Variants in BICD1 observed in about 807,000 individuals in gnomAD.
The protein encoded by BICD1 is BICD cargo adaptor 1, also known as protein bicaudal D homolog 1.
A neutral mutation model predicts 92.5 loss-of-function variants in BICD1; 35 were observed. The observed-to-expected ratio is 0.38, with a 90% confidence interval of 0.29 to 0.50. The LOEUF is 0.50. BICD1 is among the 20% of genes least tolerant of loss of function. The pLI is 0.93. For synonymous variants in BICD1, 429 were observed against 465.1 expected (o/e 0.92, Z 1.00); for missense variants, 950 against 1,189.8 (o/e 0.80, Z 2.97).
At chr12:32,285,304 A>G (rs780632707) in intron 2 of BICD1, among the ~76,000 whole-genome samples, 4 of 152,124 alleles carry the variant, frequency 2.6e-5, no homozygotes, top group African/African-American at 4.8e-5. Flanking sequence ...TCATTTTACC[A>G]TGTTATATCA....
intron 4 of BICD1, among the ~76,000 whole-genome samples, chr12:32,327,086 G>C (rs934788723): frequency 1.3e-5 from 2 of 152,136 alleles, no homozygotes; most frequent in East Asian, 3.8e-4. Flanking sequence ...CTGAAAAGCA[G>C]ATGTACTCTA....
chr12:32,305,685 T>C lies in BICD1; in HGVS notation c.580-12T>C, dbSNP rs778980120. 8.8e-6 allele frequency: 14 copies of C among 1,590,502 alleles called. 1 individual carries two copies. Among genetic ancestry groups the C allele is most frequent in the African/African-American group, 2.7e-5 (2 of 73,788 alleles). The stretch of plus-strand genomic sequence containing the variant: ...TTAGTTTTATGAATCTTCTTTATCC[T>C]GTCTGATTCAGGTTGAATACGAAGG... On this transcript the variant is annotated splice_polypyrimidine_tract_variant and intron_variant, in intron 3 of 9. Transcript: ENST00000652176.
chr12:32,182,278 CTTTTTTTTTTTT>C (rs759328721), intron 1 of BICD1, among the ~76,000 whole-genome samples: 1 of 81,422 alleles, frequency 1.2e-5, no homozygotes, highest in South Asian at 4.6e-4. Context: ...TTCTTTCTTT[CTTTTTTTTTTTT>C]TTTTTTTTTT....
intron 8 of BICD1, chr12:32,352,941 C>T (rs1212711350): frequency 6.6e-6 from 1 of 152,194 alleles, no homozygotes; most frequent in East Asian, 1.9e-4. Context: ...TCTGGCCAAG[C>T]TTCACCTCTA....
chr12:32,241,448 C>T (rs117494201), intron 2 of BICD1, among the ~76,000 whole-genome samples: 1,541 of 152,306 alleles, frequency 0.01, 17 homozygotes, highest in Middle Eastern at 0.034. Context: ...TGCTGGATAT[C>T]CTCCAAGTAC....
chr12:32,259,924 CT>C (rs56372956), intron 2 of BICD1, among the ~76,000 whole-genome samples: 10,969 of 140,842 alleles, frequency 0.078, 485 homozygotes, highest in East Asian at 0.23. Flanking sequence ...ACACTACACA[CT>C]TTTTTTTTTT....
chr12:32,184,560 C>T (rs1484660817), intron 1 of BICD1, among the ~76,000 whole-genome samples: 1 of 152,204 alleles, frequency 6.6e-6, no homozygotes, highest in Non-Finnish European at 1.5e-5. Context: ...GCTGGGATTA[C>T]AGGTGTGAGC....
chr12:32,135,043 C>CTCTCCCT (rs1565538815), intron 1 of BICD1, among the ~76,000 whole-genome samples: 1 of 146,598 alleles, frequency 6.8e-6, no homozygotes, highest in East Asian at 2.1e-4. Flanking sequence ...CTCCTCTCCC[C>CTCTCCCT]CTCCTCCCCT....
intron 1 of BICD1, among the ~76,000 whole-genome samples, chr12:32,204,346 CA>C (rs35842294): frequency 0.037 from 4,890 of 132,018 alleles, 88 homozygotes; most frequent in Non-Finnish European, 0.044. Context: ...GAGACCCTGT[CA>C]AAAAAAAAAA....
At chr12:32,139,996 G>A (rs61747565) in intron 1 of BICD1, among the ~76,000 whole-genome samples, 14,006 of 152,268 alleles carry the variant, frequency 0.092, 891 homozygotes, top group Middle Eastern at 0.21. Context: ...ACGGATCTCA[G>A]CAGCTCTCTG....
chr12:32,323,438 A>G (rs766724886), intron 4 of BICD1, among the ~76,000 whole-genome samples: 11 of 152,216 alleles, frequency 7.2e-5, no homozygotes. Context: ...ATGAGGCGTT[A>G]CTGTGCTCCT....
At chr12:32,188,853 G>A (rs1944489547) in intron 1 of BICD1, among the ~76,000 whole-genome samples, 1 of 151,802 alleles carries the variant, frequency 6.6e-6, no homozygotes, top group East Asian at 1.9e-4. Flanking sequence ...TCAGCCTCCC[G>A]AGTAGCTGGG....
chr12:32,184,888 A>G (rs1592436636), intron 1 of BICD1, among the ~76,000 whole-genome samples: 2 of 152,216 alleles, frequency 1.3e-5, no homozygotes, highest in South Asian at 4.1e-4. Context: ...TACAGAACCA[A>G]TTTTGTGGTT....
rs757251576 is a variant in BICD1 at position 32,328,100 on chromosome 12, C to T, written c.1645C>T (p.Leu549=). 1.2e-6 allele frequency: 2 copies of T among 1,614,142 alleles called. No homozygotes were observed. Among genetic ancestry groups the T allele is most frequent in the Non-Finnish European group, 1.7e-6 (2 of 1,180,028 alleles). ...RQSRVTRSGS[L]KGPDDPRGLL... ...GAGCAGAGTCACCCGCAGTGGCAGC[C>T]TGAAAGGGCCCGATGATCCCAGAGG... is the stretch of plus-strand genomic sequence containing the variant. Residue 549 remains leucine, a synonymous_variant, in exon 5 of 10, where the codon CTG becomes TTG. Transcript: ENST00000652176. This position sits in a 1 kb window ranked among gnomAD's most constrained non-coding sequence, Gnocchi z 4.4.
chr12:32,147,855 T>C (rs1198571456), intron 1 of BICD1, among the ~76,000 whole-genome samples: 1 of 152,136 alleles, frequency 6.6e-6, no homozygotes, highest in Non-Finnish European at 1.5e-5. Flanking sequence ...TCTACTGCAG[T>C]AGGCCAAGTG....
chr12:32,372,457 G>C (rs1236256503), intron 9 of BICD1, among the ~76,000 whole-genome samples: 2 of 152,052 alleles, frequency 1.3e-5, no homozygotes, highest in African/African-American at 2.4e-5. Context: ...CTCCAGCTTG[G>C]GCAACAGAGT....
chr12:32,133,442 C>T (rs544646768), intron 1 of BICD1, among the ~76,000 whole-genome samples: 85 of 151,572 alleles, frequency 5.6e-4, no homozygotes, highest in African/African-American at 1.9e-3. Flanking sequence ...GAGCCAAGAT[C>T]GTGCCACTGC....
chr12:32,295,889 G>A (rs1394273275), intron 3 of BICD1, among the ~76,000 whole-genome samples: 2 of 152,126 alleles, frequency 1.3e-5, no homozygotes, highest in African/African-American at 4.8e-5. Context: ...CTGAGCTCAA[G>A]TGATCCGTCC....
intron 2 of BICD1, among the ~76,000 whole-genome samples, chr12:32,253,877 GTATCCCACCTGTCATAATCACTGCCA>G (rs879755316): frequency 0.067 from 7,840 of 116,480 alleles, 300 homozygotes; most frequent in Non-Finnish European, 0.096. Flanking sequence ...AATCACTGCC[GTATCCCACCTGTCATAATCACTGCCA>G]TATCCCACCT....
Sources: allele counts gnomAD v4.1 joint callset (sites outside exome capture counted in the v4.1 genomes callset), GRCh38; gene constraint gnomAD v4.1.1; non-coding constraint Gnocchi (gnomAD v3.1); transcripts MANE v1.5; gene names NCBI Gene and HGNC (gene_info 2026-07-23, HGNC 2026-07-21).